Variants in DOCK1 observed in about 807,000 individuals in gnomAD.
DOCK1 encodes dedicator of cytokinesis protein 1.
In DOCK1, 138 loss-of-function variants were observed where a neutral mutation model predicts 262.7. The ratio of observed to expected loss-of-function variants is 0.53; its 90% CI spans 0.46 to 0.61. DOCK1 has a LOEUF of 0.61. Among genes scored for constraint, DOCK1 ranks in the 20% least tolerant of loss-of-function variants. DOCK1 has a pLI of 0.00. For missense variants in DOCK1, 1,908 were observed against 2,370.7 expected (o/e 0.80, Z 4.05); for synonymous variants, 866 against 867.4 (o/e 1.00, Z 0.03).
chr10:127,451,750 T>G lies in DOCK1; in HGVS notation c.*323T>G. ...TTCTTTTTGTGCCAAATGACTTGCA[T>G]TTGCAAAGAGCTCAATTGCTCTGAG... is the stretch of plus-strand genomic sequence containing the variant. On this transcript the variant is annotated 3_prime_UTR_variant, in exon 52 of 52. Transcript: ENST00000623213. 2.7e-6 allele frequency: 1 copy of G among 371,934 alleles called. No homozygotes were observed. The highest frequency in any genetic ancestry group is 2.7e-5 in the South Asian group (1 of 37,002). The allele number at this position is 371,934 out of a possible 1,614,324, so 23.0% of individuals were successfully genotyped here. A position where few individuals can be genotyped will look rare whatever the true frequency, so the allele number is the denominator to read the frequency against.
At chr10:127,214,136 T>C (rs983087851) in intron 27 of DOCK1, among the ~76,000 whole-genome samples, 3 of 152,212 alleles carry the variant, frequency 2.0e-5, no homozygotes, top group Admixed American at 1.3e-4. Flanking sequence ...TGTGAGCCAC[T>C]GCACCCGACC....
intron 27 of DOCK1, among the ~76,000 whole-genome samples, chr10:127,147,808 G>A (rs2052040348): frequency 6.6e-6 from 1 of 151,718 alleles, no homozygotes; most frequent in Non-Finnish European, 1.5e-5. Context: ...CGAGGCGGGT[G>A]GATCATGAGG....
intron 4 of DOCK1, among the ~76,000 whole-genome samples, chr10:126,985,172 G>C (rs576308585): frequency 0.061 from 9,222 of 151,814 alleles, 321 homozygotes; most frequent in Non-Finnish European, 0.068. Flanking sequence ...GTAGAGACAG[G>C]GTTTCACCAC....
intron 1 of DOCK1, among the ~76,000 whole-genome samples, chr10:126,960,254 A>T (rs1311705466): frequency 6.6e-6 from 1 of 151,948 alleles, no homozygotes; most frequent in African/African-American, 2.4e-5. Context: ...GGCTGCTGAG[A>T]TGGAGAAGAT....
At chr10:127,448,046 GGGT>G (rs2070702073) in intron 51 of DOCK1, among the ~76,000 whole-genome samples, 1 of 152,144 alleles carries the variant, frequency 6.6e-6, no homozygotes, top group Non-Finnish European at 1.5e-5. Flanking sequence ...GGGAGCTCCT[GGGT>G]GGTGACAGGC....
At chr10:127,239,015 C>A (rs1439178492) in intron 27 of DOCK1, among the ~76,000 whole-genome samples, 1 of 152,202 alleles carries the variant, frequency 6.6e-6, no homozygotes, top group African/African-American at 2.4e-5. Context: ...GGAAGTAGAA[C>A]CTCAGTGGGT....
At chr10:127,107,598 A>G (rs1340547492) in intron 24 of DOCK1, among the ~76,000 whole-genome samples, 1 of 152,120 alleles carries the variant, frequency 6.6e-6, no homozygotes, top group Non-Finnish European at 1.5e-5. Flanking sequence ...ATGCTTCTCC[A>G]AGAGCGGGCC....
chr10:127,132,165 C>T (rs1225542885), intron 27 of DOCK1, among the ~76,000 whole-genome samples: 2 of 152,142 alleles, frequency 1.3e-5, no homozygotes, highest in African/African-American at 4.8e-5. Flanking sequence ...CAATATAAGG[C>T]TTTTCTTTAT....
In DOCK1 at chr10:127,052,684, G is replaced by A. The variant is rs761158040; in HGVS notation, c.2205G>A (p.Lys735=). The change falls in exon 22 of 52, where the codon AAG becomes AAA. Residue 735 remains lysine, a synonymous_variant. Coordinates refer to ENST00000623213, the MANE Select transcript of DOCK1 (RefSeq NM_001290223.2). ...TGCGTGTTTGCATTGTGAATAGGAA[G>A]TTGACAAAAGTGTTGAAGAACTACG... ...KHFSATLAYT[K]LTKVLKNYVD... 2 of 1,614,012 alleles carry A rather than the reference G, an allele frequency of 1.2e-6. No individual in the cohort carries two copies. Among genetic ancestry groups the A allele is most frequent in the East Asian group, 2.2e-5 (1 of 44,878 alleles).
intron 23 of DOCK1, among the ~76,000 whole-genome samples, chr10:127,062,523 G>T (rs1240865071): frequency 6.6e-6 from 1 of 152,140 alleles, no homozygotes; most frequent in African/African-American, 2.4e-5. Context: ...TATCAAAGTG[G>T]ACTTGTAGAT....
chr10:127,095,527 C>T (rs567961980), intron 23 of DOCK1, among the ~76,000 whole-genome samples: 51 of 152,214 alleles, frequency 3.4e-4, no homozygotes, highest in Non-Finnish European at 6.2e-4. Context: ...GCAGAGAAAA[C>T]GGTCATTGCT....
intron 27 of DOCK1, among the ~76,000 whole-genome samples, chr10:127,171,916 A>G (rs2054609327): frequency 6.6e-6 from 1 of 151,990 alleles, no homozygotes; most frequent in Admixed American, 6.6e-5. Flanking sequence ...TGTTGGCCAG[A>G]CTGGTCTCAA....
intron 23 of DOCK1, among the ~76,000 whole-genome samples, chr10:127,103,935 T>G (rs958880609): frequency 6.6e-6 from 1 of 152,222 alleles, no homozygotes; most frequent in Non-Finnish European, 1.5e-5. Flanking sequence ...AAAGAGCATG[T>G]TGTAGGAATT....
At chr10:127,137,208 T>C (rs2050776151) in intron 27 of DOCK1, 1 of 152,634 alleles carries the variant, frequency 6.6e-6, no homozygotes, top group Non-Finnish European at 1.5e-5. Context: ...GGATGCTAAA[T>C]TTGAGGTGTC....
At chr10:127,379,528 C>A (rs1053638405) in intron 35 of DOCK1, among the ~76,000 whole-genome samples, 1 of 152,182 alleles carries the variant, frequency 6.6e-6, no homozygotes, top group Non-Finnish European at 1.5e-5. Context: ...GTGGCAAGTG[C>A]AGCTGGGGAA....
intron 27 of DOCK1, among the ~76,000 whole-genome samples, chr10:127,177,674 G>A (rs963235507): frequency 2.0e-5 from 3 of 152,192 alleles, no homozygotes; most frequent in African/African-American, 7.2e-5. Context: ...CTTGTGCCCT[G>A]TCCTGGGGGT....
chr10:127,168,426 G>A (rs774455474), intron 27 of DOCK1, among the ~76,000 whole-genome samples: 2 of 152,220 alleles, frequency 1.3e-5, no homozygotes, highest in Admixed American at 6.5e-5. Context: ...TCAGCTCAGC[G>A]CTGCTTTCTC....
chr10:127,451,526 T>C lies in DOCK1; in HGVS notation c.*99T>C. On this transcript the variant is annotated 3_prime_UTR_variant, in exon 52 of 52. Coordinates refer to ENST00000623213, the MANE Select transcript of DOCK1 (RefSeq NM_001290223.2). Reference sequence around the variant, plus strand: ...TCTGCTGTTTACCTCATTGGGCCTGTGATGTTAACATTTCGTGCGACTGCT... The same window carrying C: ...TCTGCTGTTTACCTCATTGGGCCTGCGATGTTAACATTTCGTGCGACTGCT... 6.5e-7 allele frequency: 1 copy of C among 1,533,096 alleles called. No homozygotes were observed. The highest frequency in any genetic ancestry group is 8.8e-7 in the Non-Finnish European group (1 of 1,140,840). The allele number at this position is 1,533,096 out of a possible 1,614,324, so 95.0% of individuals were successfully genotyped here.
intron 27 of DOCK1, among the ~76,000 whole-genome samples, chr10:127,165,699 A>G (rs1475192383): frequency 6.6e-6 from 1 of 152,154 alleles, no homozygotes; most frequent in Non-Finnish European, 1.5e-5. Context: ...AGGACCACTG[A>G]TATTACAAAT....
Sources: gnomAD v4.1 joint callset for allele counts (sites outside exome capture counted in the v4.1 genomes callset) on GRCh38, gnomAD v4.1.1 for gene constraint, MANE v1.5 for transcripts, NCBI Gene and HGNC (gene_info 2026-07-23, HGNC 2026-07-21) for gene names.